CACNA2D2: variants seen among roughly 807,000 people sequenced by gnomAD.
CACNA2D2 encodes voltage-dependent calcium channel subunit alpha-2/delta-2.
Under a neutral mutation model 166.4 loss-of-function variants are expected in CACNA2D2, and 48 were observed. The observed-to-expected ratio is 0.29, with a 90% CI of 0.23 to 0.37. The LOEUF (loss-of-function observed/expected upper bound fraction) is 0.37. CACNA2D2 is among the 10% of genes least tolerant of loss of function. The probability of loss-of-function intolerance (pLI) is 1.00; values close to 1 mark genes in which losing one functional copy is unlikely to be tolerated. For synonymous variants in CACNA2D2, 561 were observed against 573.7 expected, an observed-to-expected ratio of 0.98 and a Z score of 0.32; for missense variants, 1,122 against 1,433.0, an observed-to-expected ratio of 0.78 and a Z score of 3.50.
At chr3:50,460,673 T>C (rs1709548727) in intron 2 of CACNA2D2, among the ~76,000 whole-genome samples, 2 of 151,914 alleles carry the variant, frequency 1.3e-5, no homozygotes, top group Admixed American at 1.3e-4. Context: ...GCTAACATGG[T>C]GAAACCCCGT....
chr3:50,429,216 C>A (rs1415648006), intron 3 of CACNA2D2, among the ~76,000 whole-genome samples: 1 of 151,968 alleles, frequency 6.6e-6, no homozygotes, highest in African/African-American at 2.4e-5. Context: ...GGTGACAGAG[C>A]AAGACTCTGT....
In CACNA2D2 at chr3:50,366,687, T is replaced by G; in HGVS notation, c.2590-62A>C. On this transcript the variant is annotated intron_variant, in intron 29 of 37. Transcript: ENST00000424201. This position sits in a 1 kb window ranked among gnomAD's most constrained non-coding sequence, Gnocchi z 5.9. Reference sequence around the variant, plus strand: ...CAGTTTTCCTCCCTCCCATCACCTTTCATACATCCGGTTCCCCAGGCCATC... The same window carrying G: ...CAGTTTTCCTCCCTCCCATCACCTTGCATACATCCGGTTCCCCAGGCCATC... 2.5e-6 allele frequency: 4 copies of G among 1,601,718 alleles called. No homozygotes were observed. The South Asian group carries it at 3.3e-5, about 13-fold the overall frequency.
chr3:50,406,955 AG>A (rs1440677052), intron 3 of CACNA2D2, among the ~76,000 whole-genome samples: 1 of 151,864 alleles, frequency 6.6e-6, no homozygotes, highest in Non-Finnish European at 1.5e-5. Context: ...GCATCATCAG[AG>A]GGTTGGGGAA....
chr3:50,412,564 C>G (rs2106805140), intron 3 of CACNA2D2, among the ~76,000 whole-genome samples: 1 of 150,550 alleles, frequency 6.6e-6, no homozygotes, highest in South Asian at 2.1e-4. Context: ...AGGCGGCCAG[C>G]AGGCGCCTTC....
intron 22 of CACNA2D2, among the ~76,000 whole-genome samples, chr3:50,374,353 A>G (rs1482963533): frequency 1.4e-4 from 6 of 41,932 alleles, no homozygotes; most frequent in Admixed American, 2.8e-4. Flanking sequence ...GAGGAGGGGG[A>G]AGGGGAGGGG....
chr3:50,389,885 C>T (rs587741167), intron 4 of CACNA2D2, among the ~76,000 whole-genome samples: 1 of 152,284 alleles, frequency 6.6e-6, no homozygotes, highest in Non-Finnish European at 1.5e-5. Flanking sequence ...ATGCCCCTTC[C>T]TTGGTAAGAA....
At chr3:50,440,095 G>A (rs1275175216) in intron 2 of CACNA2D2, among the ~76,000 whole-genome samples, 1 of 152,236 alleles carries the variant, frequency 6.6e-6, no homozygotes, top group Non-Finnish European at 1.5e-5. Context: ...ACCCCTCAGG[G>A]CTCTCCCTAT....
intron 1 of CACNA2D2, among the ~76,000 whole-genome samples, chr3:50,484,216 T>C (rs1698178667): frequency 6.6e-6 from 1 of 152,164 alleles, no homozygotes; most frequent in Non-Finnish European, 1.5e-5. Flanking sequence ...CAGCAAGTGC[T>C]ACAGGTTCCA....
chr3:50,383,331 G>A (rs587756667), intron 6 of CACNA2D2, among the ~76,000 whole-genome samples: 1 of 152,262 alleles, frequency 6.6e-6, no homozygotes, highest in South Asian at 2.1e-4. Context: ...CCTGCATTAT[G>A]GAGCTGAGGC....
At chr3:50,385,318 T>C (rs1469753307) in intron 5 of CACNA2D2, among the ~76,000 whole-genome samples, 1 of 152,076 alleles carries the variant, frequency 6.6e-6, no homozygotes, top group Non-Finnish European at 1.5e-5. Flanking sequence ...GGAGAGATCA[T>C]AAGCAGCTGA....
At chr3:50,387,679 C>T in intron 4 of CACNA2D2, 67 bp from the exon 5 acceptor site, 1 of 1,245,412 alleles carries the variant, frequency 8.0e-7, no homozygotes, top group East Asian at 2.3e-5. Context: ...ACTCCTAGCC[C>T]CAAGGCCTGC....
chr3:50,484,638 C>T (rs1698200359), intron 1 of CACNA2D2, among the ~76,000 whole-genome samples: 1 of 152,178 alleles, frequency 6.6e-6, no homozygotes, highest in Admixed American at 6.5e-5. Context: ...TGAAGACCTC[C>T]TTGCCCCTCC....
At chr3:50,393,136 G>C (rs939059830) in intron 4 of CACNA2D2, among the ~76,000 whole-genome samples, 1 of 152,128 alleles carries the variant, frequency 6.6e-6, no homozygotes, top group Non-Finnish European at 1.5e-5. Flanking sequence ...AGGTAACCTC[G>C]GGTAGGTCTA....
chr3:50,384,049 G>A lies in CACNA2D2; in HGVS notation c.652+147C>T, dbSNP rs1008182453. On this transcript the variant is annotated intron_variant, in intron 6 of 37. Transcript: ENST00000424201. ...TTGATGCCCACATGTGGGTGAATCT[G>A]AGAGGTGCGCAGGAGTAATCTCAGG... 8.2e-6 allele frequency: 8 copies of A among 978,304 alleles called. No homozygotes were observed. The Admixed American group carries it at 1.8e-4, about 22-fold the overall frequency. 60.6% of individuals were successfully genotyped at this position (978,304 alleles called of 1,614,324 possible). A position where few individuals can be genotyped will look rare whatever the true frequency, so the allele number is the denominator to read the frequency against.
chr3:50,434,488 GC>G (rs1335377121), intron 2 of CACNA2D2, 59 bp from the exon 3 acceptor site: 1 of 1,203,364 alleles, frequency 8.3e-7, no homozygotes, highest in Non-Finnish European at 1.2e-6. Context: ...CATGCCATGG[GC>G]CCTGCATACC....
At chr3:50,395,920 C>T (rs1475380385) in intron 3 of CACNA2D2, among the ~76,000 whole-genome samples, 1 of 152,122 alleles carries the variant, frequency 6.6e-6, no homozygotes, top group African/African-American at 2.4e-5. Flanking sequence ...GGGTCAAACC[C>T]TCTCACCCCA....
At chr3:50,462,461 A>G (rs1040473064) in intron 2 of CACNA2D2, among the ~76,000 whole-genome samples, 1 of 151,162 alleles carries the variant, frequency 6.6e-6, no homozygotes, top group Non-Finnish European at 1.5e-5. Flanking sequence ...AACAAAACTG[A>G]GACAGTTTTT....
chr3:50,500,107 G>A (rs1405976480), intron 1 of CACNA2D2, among the ~76,000 whole-genome samples: 4 of 152,162 alleles, frequency 2.6e-5, no homozygotes, highest in Admixed American at 6.5e-5. Flanking sequence ...ACAGACACAC[G>A]TCACCCACCA....
At chr3:50,445,451 C>T (rs1190978707) in intron 2 of CACNA2D2, among the ~76,000 whole-genome samples, 2 of 152,258 alleles carry the variant, frequency 1.3e-5, no homozygotes, top group Non-Finnish European at 2.9e-5. Flanking sequence ...TTTACCTCCT[C>T]TGTCAGCACC....
Sources: allele counts gnomAD v4.1 joint callset (sites outside exome capture counted in the v4.1 genomes callset), GRCh38; gene constraint gnomAD v4.1.1; non-coding constraint Gnocchi (gnomAD v3.1); transcripts MANE v1.5; gene names NCBI Gene and HGNC (gene_info 2026-07-23, HGNC 2026-07-21).